The following KCNN2 variants were observed in gnomAD, a reference collection of about 807,000 sequenced individuals.
KCNN2 encodes potassium calcium-activated channel subfamily N member 2.
A neutral mutation model predicts 55.5 loss-of-function variants in KCNN2; 24 were observed. That is an observed-to-expected ratio of 0.43 (90% CI 0.31 to 0.61). The LOEUF is 0.61. Among genes scored for constraint, KCNN2 ranks in the 20% least tolerant of loss-of-function variants. KCNN2 has a pLI of 0.08. For synonymous variants in KCNN2, 431 were observed against 336.1 expected (o/e 1.28, Z -3.09); for missense variants, 754 against 853.6 (o/e 0.88, Z 1.45).
chr5:114,315,539 CTTAT>C (rs1289499020), intron 2 of KCNN2, among the ~76,000 whole-genome samples: 1 of 149,220 alleles, frequency 6.7e-6, no homozygotes, highest in African/African-American at 2.5e-5. Flanking sequence ...TATTTTATTA[CTTAT>C]TTTAGTGGTT....
rs1458967427 is a variant in KCNN2 at position 114,308,404 on chromosome 5, GAGA to G, written c.-184-52534_-184-52532del. Among the ~76,000 whole-genome samples the G allele has an allele frequency of 7.2e-5, 11 of 152,324 alleles. No homozygotes were observed. In the East Asian group the frequency reaches 9.7e-4, roughly 13 times the overall value. ...AATGAAGGAGTTGGGAAGTGAAGCA[GAGA>G]AGAAGAGAGACTATACAATATTGCA... On this transcript the variant is annotated intron_variant, in intron 2 of 10. Coordinates refer to the KCNN2 transcript ENST00000512097.
At chr5:114,204,399 A>G (rs1753729412) in intron 1 of KCNN2, among the ~76,000 whole-genome samples, 1 of 152,236 alleles carries the variant, frequency 6.6e-6, no homozygotes, top group African/African-American at 2.4e-5. Context: ...AAATAAAAAA[A>G]TAAATTTCTC....
chr5:114,147,377 T>C (rs1752420180), intron 1 of KCNN2, among the ~76,000 whole-genome samples: 1 of 152,156 alleles, frequency 6.6e-6, no homozygotes. Context: ...AATGTTTGGA[T>C]CAAAGCCGGA....
At chr5:114,074,422 T>C (rs1750644973) in intron 1 of KCNN2, among the ~76,000 whole-genome samples, 1 of 152,126 alleles carries the variant, frequency 6.6e-6, no homozygotes, top group Admixed American at 6.5e-5. Context: ...TGAGTTGTTA[T>C]TAAACAACAA....
At chr5:114,367,618 A>G (rs1245260372) in intron 2 of KCNN2, among the ~76,000 whole-genome samples, 1 of 152,038 alleles carries the variant, frequency 6.6e-6, no homozygotes, top group Non-Finnish European at 1.5e-5. Context: ...AGGTCAAATT[A>G]TAGGTAAAAC....
At chr5:114,378,858 T>C (rs1758018474) in intron 2 of KCNN2, among the ~76,000 whole-genome samples, 1 of 152,206 alleles carries the variant, frequency 6.6e-6, no homozygotes, top group Non-Finnish European at 1.5e-5. Context: ...TATAGCTGAC[T>C]GTTCTCTAAC....
intron 2 of KCNN2, among the ~76,000 whole-genome samples, chr5:114,354,162 C>T (rs1046530568): frequency 2.0e-5 from 3 of 151,764 alleles, no homozygotes; most frequent in African/African-American, 7.3e-5. Context: ...AGTGTATTTT[C>T]AGTTTATTGA....
At chr5:114,222,806 C>T (rs1754168068) in intron 2 of KCNN2, among the ~76,000 whole-genome samples, 1 of 152,152 alleles carries the variant, frequency 6.6e-6, no homozygotes, top group Non-Finnish European at 1.5e-5. Context: ...AATAAGTCAG[C>T]TGTTTAAAAA....
chr5:114,196,535 T>C (rs1446541405), intron 1 of KCNN2, among the ~76,000 whole-genome samples: 1 of 152,058 alleles, frequency 6.6e-6, no homozygotes, highest in Non-Finnish European at 1.5e-5. Context: ...TTTTTATCCA[T>C]TTTTGGCTTG....
chr5:114,162,264 C>A (rs1752802675), intron 1 of KCNN2, among the ~76,000 whole-genome samples: 1 of 152,164 alleles, frequency 6.6e-6, no homozygotes, highest in African/African-American at 2.4e-5. Flanking sequence ...TGCTGGAGGT[C>A]CACTCCAGAC....
At position 114,324,378 on chromosome 5, in the gene KCNN2, T is replaced by C. The variant is rs192367160; in HGVS notation, c.-184-36567T>C. On this transcript the variant is annotated intron_variant, in intron 2 of 10. Transcript: ENST00000512097. ...GGTAGGCCTAATTTAATTACACACA[T>C]CCTTAAAAATAGAGAACCTTATTGG... Among the ~76,000 whole-genome samples the C allele has an allele frequency of 5.9e-5, 9 of 152,192 alleles. No individual in the cohort carries two copies. In the East Asian group the frequency reaches 1.7e-3, roughly 29 times the overall value.
chr5:114,238,268 A>G (rs1285931434), intron 2 of KCNN2, among the ~76,000 whole-genome samples: 1 of 152,184 alleles, frequency 6.6e-6, no homozygotes, highest in Non-Finnish European at 1.5e-5. Context: ...TTTTCTAGAA[A>G]ATATACACTA....
At chr5:114,216,882 C>T (rs930515027) in intron 1 of KCNN2, among the ~76,000 whole-genome samples, 2 of 152,020 alleles carry the variant, frequency 1.3e-5, no homozygotes, top group African/African-American at 2.4e-5. Context: ...TTTTAAAAAC[C>T]TTCCTGGGAC....
At chr5:114,430,845 G>C (rs1759770219) in intron 3 of KCNN2, among the ~76,000 whole-genome samples, 2 of 152,022 alleles carry the variant, frequency 1.3e-5, no homozygotes. Context: ...TGCATCTATT[G>C]ATATGATTAT....
intron 3 of KCNN2, among the ~76,000 whole-genome samples, chr5:114,414,397 C>G (rs1043256893): frequency 1.3e-5 from 2 of 152,138 alleles, no homozygotes. Context: ...CACCTACTGT[C>G]TTTCAAGGGA....
At chr5:114,414,996 C>A (rs531644363) in intron 3 of KCNN2, among the ~76,000 whole-genome samples, 2 of 152,198 alleles carry the variant, frequency 1.3e-5, no homozygotes, top group South Asian at 4.1e-4. Flanking sequence ...CTCTTGCAGT[C>A]TTCCAGGTGA....
intron 1 of KCNN2, among the ~76,000 whole-genome samples, chr5:114,106,259 G>A (rs999153009): frequency 2.6e-5 from 4 of 151,422 alleles, no homozygotes; most frequent in African/African-American, 7.3e-5. Flanking sequence ...GTTTGTGAAT[G>A]TTTGGGCTGT....
chr5:114,282,063 T>G (rs1755635700), intron 2 of KCNN2, among the ~76,000 whole-genome samples: 2 of 152,182 alleles, frequency 1.3e-5, no homozygotes, highest in Admixed American at 6.5e-5. Flanking sequence ...TTTATGTATT[T>G]GTGTCTTCTT....
At chr5:114,401,409 G>A (rs1020850628) in intron 2 of KCNN2, among the ~76,000 whole-genome samples, 3 of 152,092 alleles carry the variant, frequency 2.0e-5, no homozygotes, top group African/African-American at 7.2e-5. Flanking sequence ...GCTTCCACAA[G>A]CACATTTAAT....
Sources: gnomAD v4.1 joint callset for allele counts (sites outside exome capture counted in the v4.1 genomes callset) on GRCh38, gnomAD v4.1.1 for gene constraint, MANE v1.5 for transcripts, NCBI Gene and HGNC (gene_info 2026-07-23, HGNC 2026-07-21) for gene names.